Variants in CLNK observed in about 807,000 individuals in gnomAD.
CLNK encodes the protein cytokine dependent hematopoietic cell linker, also known as cytokine-dependent hematopoietic cell linker.
Under a neutral mutation model 68.6 loss-of-function variants are expected in CLNK, and 74 were observed. That is an observed-to-expected ratio of 1.08 (90% CI 0.89 to 1.31). The LOEUF is 1.31. Ranked by LOEUF, CLNK falls within the 50% of genes most tolerant of loss-of-function variation. The pLI, the probability that CLNK is intolerant of heterozygous loss-of-function variation, is 0.00. For synonymous variants in CLNK, 198 were observed against 172.2 expected (o/e 1.15, Z -1.17); for missense variants, 553 against 515.3 (o/e 1.07, Z -0.71).
intron 1 of CLNK, among the ~76,000 whole-genome samples, chr4:10,673,245 G>C (rs745478897): frequency 6.6e-6 from 1 of 152,150 alleles, no homozygotes; most frequent in African/African-American, 2.4e-5. Context: ...AGAGCATAGA[G>C]CATAAGGTAT....
Position 10,584,959 on chromosome 4 carries a change from G to T in CLNK, c.84-4C>A, listed in dbSNP as rs1413012770. On this transcript the variant is annotated splice_region_variant and splice_polypyrimidine_tract_variant and intron_variant, in intron 3 of 18. Coordinates refer to ENST00000226951, the MANE Select transcript of CLNK (RefSeq NM_052964.4). ...ACTATTGATGCGAGGCCATGACCTA[G>T]GGCAGAAAAGAGAACCAAGTTAAAT... is the stretch of plus-strand genomic sequence containing the variant. 1 of 1,613,454 alleles carries T rather than the reference G, an allele frequency of 6.2e-7. No individual in the cohort carries two copies. The highest frequency in any genetic ancestry group is 2.2e-5 in the East Asian group (1 of 44,880).
At chr4:10,492,996 G>A (rs887845358) in intron 18 of CLNK, among the ~76,000 whole-genome samples, 1 of 152,152 alleles carries the variant, frequency 6.6e-6, no homozygotes, top group African/African-American at 2.4e-5. Flanking sequence ...TAACCTATGT[G>A]TCAGTCTGAC....
At chr4:10,617,486 G>A (rs6834216) in intron 2 of CLNK, among the ~76,000 whole-genome samples, 4,265 of 152,242 alleles carry the variant, frequency 0.028, 205 homozygotes, top group African/African-American at 0.095. Context: ...TCACCAGTGG[G>A]ACTATGAGCT....
intron 16 of CLNK, among the ~76,000 whole-genome samples, chr4:10,512,944 C>G (rs2868942): frequency 6.6e-6 from 1 of 151,872 alleles, no homozygotes; most frequent in Admixed American, 6.6e-5. Flanking sequence ...GACAGACACA[C>G]AAGAACACAG....
Position 10,627,965 on chromosome 4 carries a change from C to T in CLNK, c.12-29916G>A, listed in dbSNP as rs562859161. 4.6e-5 allele frequency among the ~76,000 whole-genome samples: 7 copies of T among 152,316 alleles called. No individual in the cohort carries two copies. In the South Asian group the frequency reaches 1.5e-3, roughly 32 times the overall value. On this transcript the variant is annotated intron_variant, in intron 2 of 18. Coordinates refer to ENST00000226951, the MANE Select transcript of CLNK (RefSeq NM_052964.4). The stretch of plus-strand genomic sequence containing the variant: ...GCAGGGTTCTGCTGCAAGAGGTCCC[C>T]GCATAATTCACTTGCACCAGAATCC...
chr4:10,593,210 G>A (rs1431536237), intron 3 of CLNK, among the ~76,000 whole-genome samples: 1 of 152,176 alleles, frequency 6.6e-6, no homozygotes, highest in African/African-American at 2.4e-5. Context: ...TGAGAAAAGT[G>A]ACCCTTATGG....
intron 2 of CLNK, among the ~76,000 whole-genome samples, chr4:10,650,951 C>A (rs1219062928): frequency 6.6e-6 from 1 of 151,984 alleles, no homozygotes; most frequent in Non-Finnish European, 1.5e-5. Context: ...ATGAAAAAAA[C>A]CTCATCATCA....
chr4:10,614,772 C>A (rs777793749), intron 2 of CLNK, among the ~76,000 whole-genome samples: 4 of 152,176 alleles, frequency 2.6e-5, no homozygotes, highest in Non-Finnish European at 4.4e-5. Context: ...TTGTAAGGAT[C>A]AAAAAATCAA....
At chr4:10,546,372 A>G (rs1306225820) in intron 8 of CLNK, among the ~76,000 whole-genome samples, 1 of 152,170 alleles carries the variant, frequency 6.6e-6, no homozygotes, top group East Asian at 1.9e-4. Flanking sequence ...ATCACTCTCA[A>G]GTTTGGCCTT....
At chr4:10,698,232 T>C in the CLNK span, among the ~76,000 whole-genome samples, 1 of 152,070 alleles carries the variant, frequency 6.6e-6, no homozygotes, top group South Asian at 2.1e-4. Flanking sequence ...CTAGATAACA[T>C]TAAAGACAAT....
intron 1 of CLNK, among the ~76,000 whole-genome samples, chr4:10,679,120 A>G (rs953097008): frequency 2.6e-5 from 4 of 152,196 alleles, no homozygotes; most frequent in African/African-American, 9.6e-5. Context: ...AAACTATACT[A>G]CAAGGCTGCA....
chr4:10,689,888 A>T, the CLNK span, among the ~76,000 whole-genome samples: 1 of 151,836 alleles, frequency 6.6e-6, no homozygotes, highest in Non-Finnish European at 1.5e-5. Flanking sequence ...AGATCAGCTC[A>T]CACTAATTGC....
chr4:10,676,503 C>T (rs1293138025), intron 1 of CLNK, among the ~76,000 whole-genome samples: 1 of 151,140 alleles, frequency 6.6e-6, no homozygotes, highest in Non-Finnish European at 1.5e-5. Flanking sequence ...GAGTAACTTC[C>T]CTTGAGTATC....
chr4:10,717,422 C>A, the CLNK span, among the ~76,000 whole-genome samples: 1 of 152,090 alleles, frequency 6.6e-6, no homozygotes, highest in African/African-American at 2.4e-5. Context: ...TTAGAGAAAC[C>A]CCGTCTCTAT....
At chr4:10,525,571 C>A (rs1009660594) in intron 14 of CLNK, among the ~76,000 whole-genome samples, 1 of 152,226 alleles carries the variant, frequency 6.6e-6, no homozygotes, top group African/African-American at 2.4e-5. Context: ...TGATTAGCAT[C>A]TTTTCCCGTT....
At chr4:10,515,622 TA>T (rs1450143630) in intron 15 of CLNK, among the ~76,000 whole-genome samples, 2 of 152,240 alleles carry the variant, frequency 1.3e-5, no homozygotes, top group African/African-American at 4.8e-5. Context: ...CAGTATCTGT[TA>T]CTGATCACAA....
intron 14 of CLNK, chr4:10,523,919 G>A: frequency 2.6e-6 from 1 of 386,920 alleles, no homozygotes; most frequent in South Asian, 2.0e-5. Context: ...CAGCTACTCT[G>A]GGGGATGATG....
intron 2 of CLNK, among the ~76,000 whole-genome samples, chr4:10,628,831 C>A (rs908169511): frequency 6.6e-6 from 1 of 152,166 alleles, no homozygotes; most frequent in African/African-American, 2.4e-5. Context: ...AAGTCCAGAC[C>A]TACCAATGAA....
chr4:10,590,852 C>T (rs549720082), intron 3 of CLNK, among the ~76,000 whole-genome samples: 1 of 152,310 alleles, frequency 6.6e-6, no homozygotes, highest in East Asian at 1.9e-4. Flanking sequence ...ACTCAAACCT[C>T]ATAGCAATTC....
Sources: gnomAD v4.1 joint callset for allele counts (sites outside exome capture counted in the v4.1 genomes callset) on GRCh38, gnomAD v4.1.1 for gene constraint, MANE v1.5 for transcripts, NCBI Gene and HGNC (gene_info 2026-07-23, HGNC 2026-07-21) for gene names.